CHD2: variants seen among roughly 807,000 people sequenced by gnomAD.
CHD2 encodes ATP-dependent chromatin remodeler CHD2.
CHD2 carries 28 observed loss-of-function variants against 243.9 expected under a neutral mutation model. That is an observed-to-expected ratio of 0.11 (90% confidence interval 0.09 to 0.16). CHD2 has a LOEUF of 0.16. Ranked by LOEUF, CHD2 falls within the 10% of genes least tolerant of loss-of-function variation. CHD2 has a pLI of 1.00. For synonymous variants in CHD2, 775 were observed against 779.0 expected (o/e 0.99, Z 0.09); for missense variants, 1,386 against 2,209.8 (o/e 0.63, Z 7.47).
chr15:92,905,134 T>A, intron 2 of CHD2: 1 of 774,058 alleles, frequency 1.3e-6, no homozygotes, highest in Non-Finnish European at 2.0e-6. Flanking sequence ...CATTACTATG[T>A]AAGTAAATGT....
At chr15:92,936,547 C>G (rs189323745) in intron 5 of CHD2, among the ~76,000 whole-genome samples, 30 of 152,314 alleles carry the variant, frequency 2.0e-4, no homozygotes, top group Non-Finnish European at 2.6e-4. Flanking sequence ...TAGGTTATGG[C>G]TCTTTCAAGC....
intron 2 of CHD2, among the ~76,000 whole-genome samples, chr15:92,907,759 T>C (rs975941558): frequency 1.3e-5 from 2 of 152,176 alleles, no homozygotes; most frequent in Non-Finnish European, 2.9e-5. Flanking sequence ...GCTCAATAAA[T>C]GTAAGCTTTT....
At chr15:92,909,561 T>C (rs963803737) in intron 2 of CHD2, among the ~76,000 whole-genome samples, 2 of 152,178 alleles carry the variant, frequency 1.3e-5, no homozygotes, top group Non-Finnish European at 2.9e-5. Context: ...GGTGGTATTA[T>C]AGATGCCTGA....
chr15:92,981,302 G>A, intron 23 of CHD2, 63 bp from the exon 24 acceptor site: 1 of 1,102,712 alleles, frequency 9.1e-7, no homozygotes, highest in Non-Finnish European at 1.4e-6. Flanking sequence ...AATAATTTCT[G>A]GGCAACTAGG....
intron 36 of CHD2, among the ~76,000 whole-genome samples, chr15:93,013,914 G>C (rs1473065013): frequency 2.7e-5 from 3 of 109,198 alleles, no homozygotes; most frequent in African/African-American, 1.1e-4. Context: ...CTGCGACAGA[G>C]TGAGACTCTG....
At chr15:92,938,537 AC>A (rs1792276104) in intron 6 of CHD2, among the ~76,000 whole-genome samples, 1 of 152,048 alleles carries the variant, frequency 6.6e-6, no homozygotes, top group Non-Finnish European at 1.5e-5. Context: ...ACCCCCCAAC[AC>A]CAGCAGGGGA....
rs150002525 is a variant in CHD2 at position 92,973,367 on chromosome 15, C to T, written c.2505+950C>T. ...CTATTTATAGACACATAGACATATA[C>T]GCAATTTACCTTGTCTCTTGGCATG... On this transcript the variant is annotated intron_variant, in intron 19 of 38. Transcript: ENST00000394196. 7.5e-3 allele frequency among the ~76,000 whole-genome samples: 1,145 copies of T among 152,192 alleles called. 49 individuals carry two copies. Among genetic ancestry groups the T allele is most frequent in the Admixed American group, 0.062 (949 of 15,272 alleles).
chr15:92,967,270 C>G, intron 16 of CHD2, 55 bp from the exon 17 acceptor site: 1 of 1,234,870 alleles, frequency 8.1e-7, no homozygotes, highest in Non-Finnish European at 1.1e-6. Flanking sequence ...AGTTTTTTTT[C>G]CTATTCTTCT....
At chr15:92,921,924 C>G (rs760169130) in intron 2 of CHD2, among the ~76,000 whole-genome samples, 2 of 152,078 alleles carry the variant, frequency 1.3e-5, no homozygotes, top group Non-Finnish European at 2.9e-5. Context: ...TTTTTTCTTT[C>G]CTGTTGACAA....
rs1404368884 is a variant in CHD2, at chr15:93,020,057, G to A, written c.4952G>A (p.Gly1651Asp). 1.2e-6 allele frequency: 2 copies of A among 1,614,066 alleles called. No individual in the cohort carries two copies. The highest frequency in any genetic ancestry group is 8.5e-7 in the Non-Finnish European group (1 of 1,179,980). ...GAAAGAAAGTTCAACTATGGTGGTG[G>A]CAACAACAATCCACCATGGGGAAGC... is the stretch of plus-strand genomic sequence containing the variant. ...QRERKFNYGG[G>D]NNNPPWGSDR... Residue 1651 changes from glycine (G) to aspartate (D), a missense_variant, in exon 38 of 39, where the codon GGC becomes GAC. Around this residue, in one of 19 missense-constraint regions of CHD2, gnomAD observed 347 missense variants for 341.6 expected, o/e 1.02. Transcript: ENST00000394196.
At position 92,939,132 on chromosome 15, in the gene CHD2, A is replaced by G. The variant is rs191074811; in HGVS notation, c.552-446A>G. ...TTTTCTTAATGTTTTGTTGTTGCAA[A>G]TAATGCTATAGTGAATACTTTATTA... is the stretch of plus-strand genomic sequence containing the variant. On this transcript the variant is annotated intron_variant, in intron 6 of 38. Transcript: ENST00000394196. Among the ~76,000 whole-genome samples the G allele has an allele frequency of 6.6e-5, 10 of 152,208 alleles. 1 individual carries two copies. In the East Asian group the frequency reaches 1.7e-3, roughly 26 times the overall value.
Position 92,972,395 on chromosome 15 carries a change from C to G in CHD2, c.2483C>G (p.Thr828Ser). ...RMLDILAEYL[T>S]IKHYPFQRLD... ...TTGGATATCCTGGCTGAATACCTAA[C>G]TATTAAACACTATCCTTTCCAGGTA... The change falls in exon 19 of 39, where the codon ACT becomes AGT. Residue 828 changes from threonine (T) to serine (S), a missense_variant. Thr to Ser is a moderately conservative substitution (Grantham distance 58). This residue lies in a region of CHD2 where 118 missense variants were observed against 266.3 expected (regional missense o/e 0.44). Transcript: ENST00000394196. 1 of 1,606,552 alleles carries G rather than the reference C, an allele frequency of 6.2e-7. No individual in the cohort carries two copies. The highest frequency in any genetic ancestry group is 2.2e-5 in the East Asian group (1 of 44,672).
rs1210169536 is a variant in CHD2 at position 92,953,608 on chromosome 15, G to A, written c.1719+35G>A. On this transcript the variant is annotated intron_variant, in intron 14 of 38. Coordinates refer to ENST00000394196, the MANE Select transcript of CHD2 (RefSeq NM_001271.4). ...CAAAAAGAGCTGGGTTAGAATCTGT[G>A]TTATAAATGTAATTTAGAAATTCAC... The A allele has an allele frequency of 1.9e-6, 3 of 1,581,508 alleles. No individual in the cohort carries two copies. In the African/African-American group the frequency reaches 4.1e-5, roughly 21 times the overall value.
chr15:92,938,545 G>A (rs931600730), intron 6 of CHD2, among the ~76,000 whole-genome samples: 1 of 152,084 alleles, frequency 6.6e-6, no homozygotes, highest in Non-Finnish European at 1.5e-5. Flanking sequence ...ACACCAGCAG[G>A]GGAATTTGTC....
At chr15:92,962,941 T>C (rs1437822205) in intron 16 of CHD2, among the ~76,000 whole-genome samples, 6 of 152,226 alleles carry the variant, frequency 3.9e-5, no homozygotes, top group Non-Finnish European at 7.3e-5. Flanking sequence ...TGTGTGATTT[T>C]ATTATAGCTC....
chr15:92,903,169 A>G (rs2052554606), intron 2 of CHD2, among the ~76,000 whole-genome samples: 1 of 152,212 alleles, frequency 6.6e-6, no homozygotes, highest in African/African-American at 2.4e-5. Context: ...TAATTATGAC[A>G]TCACTTCCTT....
At chr15:92,904,521 T>A (rs768559117) in intron 2 of CHD2, 1 of 996,352 alleles carries the variant, frequency 1.0e-6, no homozygotes, top group African/African-American at 1.7e-5. Flanking sequence ...AGTTGGGACT[T>A]TCCGGTGGGC....
At chr15:92,971,087 A>C (rs1488653994) in intron 17 of CHD2, among the ~76,000 whole-genome samples, 1 of 152,210 alleles carries the variant, frequency 6.6e-6, no homozygotes, top group Non-Finnish European at 1.5e-5. Context: ...TAACCTCATA[A>C]TGTTAGCTTA....
In CHD2 at chr15:93,026,100, T is replaced by C. The variant is rs1395337469; in HGVS notation, c.*1395T>C. The C allele has an allele frequency of 1.3e-5, 2 of 152,632 alleles. No homozygotes were observed. Among genetic ancestry groups the C allele is most frequent in the African/African-American group, 2.4e-5 (1 of 41,436 alleles). The allele number at this position is 152,632 out of a possible 1,614,324, so 9.5% of individuals were successfully genotyped here. A position where few individuals can be genotyped will look rare whatever the true frequency, so the allele number is the denominator to read the frequency against. On this transcript the variant is annotated 3_prime_UTR_variant, in exon 39 of 39. Transcript: ENST00000394196. ...TGGTTGCATCAATTAAGCAGGCTCT[T>C]TTCAATTGACTGATGCTGGGGCCTT...
Sources: gnomAD v4.1 joint callset for allele counts (sites outside exome capture counted in the v4.1 genomes callset) on GRCh38, gnomAD v4.1.1 for gene constraint, gnomAD v4.1.1 regional missense constraint, MANE v1.5 for transcripts, NCBI Gene and HGNC (gene_info 2026-07-23, HGNC 2026-07-21) for gene names.